The following SPRED2 variants were observed in gnomAD, a reference collection of about 807,000 sequenced individuals.
The protein encoded by SPRED2 is sprouty-related, EVH1 domain-containing protein 2.
SPRED2 carries 47 observed loss-of-function variants against 43.0 expected under a neutral mutation model. That is an observed-to-expected ratio of 1.09 (90% CI 0.87 to 1.40). SPRED2 has a LOEUF of 1.40. Among genes scored for constraint, SPRED2 ranks in the 40% most tolerant of loss-of-function variants. The pLI, the probability that SPRED2 is intolerant of heterozygous loss-of-function variation, is 0.00. For missense variants in SPRED2, 561 were observed against 586.4 expected (o/e 0.96, Z 0.45); for synonymous variants, 225 against 225.7 (o/e 1.00, Z 0.03).
intron 1 of SPRED2, among the ~76,000 whole-genome samples, chr2:65,397,425 C>T (rs1367802078): frequency 1.3e-5 from 2 of 152,064 alleles, no homozygotes; most frequent in Non-Finnish European, 2.9e-5. Context: ...TCTCTTTTTC[C>T]TTTTTACCTA....
intron 1 of SPRED2, among the ~76,000 whole-genome samples, chr2:65,394,388 G>C (rs1572891057): frequency 6.6e-6 from 1 of 152,342 alleles, no homozygotes; most frequent in African/African-American, 2.4e-5. Context: ...CACTCGGATA[G>C]AGGCAGCTGT....
In SPRED2 at chr2:65,313,751, C is replaced by T. The variant is rs756115964; in HGVS notation, c.1007G>A (p.Cys336Tyr). 1.9e-6 allele frequency: 3 copies of T among 1,614,206 alleles called. No individual in the cohort carries two copies. Among genetic ancestry groups the T allele is most frequent in the Non-Finnish European group, 2.5e-6 (3 of 1,180,028 alleles). ...CQDAPDSVRTCIRRVSCMWCA... is the reference protein window; with the variant it reads ...CQDAPDSVRTYIRRVSCMWCA... ...CCACATGCAGCTCACCCGGCGGATG[C>T]AAGTTCTCACGGAGTCGGGCGCGTC... The change falls in exon 6 of 6, where the codon TGC becomes TAC. Residue 336 changes from cysteine to tyrosine, a missense_variant. By Grantham distance (194) the Cys-to-Tyr change is radical (BLOSUM62 -2). This residue lies in a region of SPRED2 where 164 missense variants were observed against 164.1 expected (regional missense o/e 1.00). Coordinates refer to ENST00000356388, the MANE Select transcript of SPRED2 (RefSeq NM_181784.3).
At chr2:65,338,912 C>A (rs1674073246) in intron 2 of SPRED2, among the ~76,000 whole-genome samples, 1 of 152,106 alleles carries the variant, frequency 6.6e-6, no homozygotes, top group African/African-American at 2.4e-5. Flanking sequence ...TGCCCGGCAG[C>A]CCATCGTCTG....
intron 1 of SPRED2, among the ~76,000 whole-genome samples, chr2:65,354,417 A>G (rs1353141627): frequency 6.6e-6 from 1 of 152,122 alleles, no homozygotes; most frequent in Non-Finnish European, 1.5e-5. Context: ...GTTACATTAG[A>G]CTCACTGCAT....
intron 4 of SPRED2, among the ~76,000 whole-genome samples, chr2:65,324,429 G>C (rs1383108777): frequency 1.3e-5 from 2 of 152,192 alleles, no homozygotes; most frequent in Non-Finnish European, 2.9e-5. Context: ...GGTCAATGCT[G>C]TCTGGTTTGG....
At chr2:65,365,081 T>C (rs1674933906) in intron 1 of SPRED2, among the ~76,000 whole-genome samples, 2 of 152,238 alleles carry the variant, frequency 1.3e-5, no homozygotes, top group African/African-American at 4.8e-5. Flanking sequence ...CCAAGTGCTA[T>C]TATTAAATGT....
In SPRED2 at chr2:65,344,802, C is replaced by G. The variant is rs750231971; in HGVS notation, c.121G>C (p.Val41Leu). The G allele has an allele frequency of 2.5e-6, 4 of 1,614,028 alleles. No homozygotes were observed. The highest frequency in any genetic ancestry group is 2.7e-5 in the African/African-American group (2 of 74,926). Reference protein sequence around the residue: ...FPQEGGGISRVGVCKVMHPEG... With the variant: ...FPQEGGGISRLGVCKVMHPEG... ...GGGTGCATGACCTTACAGACCCCGA[C>G]GCGACTGATCCCGCCTCCTTCCTGT... The change falls in exon 2 of 6, where the codon GTC becomes CTC. Residue 41 changes from valine to leucine, a missense_variant. Around this residue, in one of 6 missense-constraint regions of SPRED2, gnomAD observed 305 missense variants for 282.4 expected, o/e 1.08. Transcript: ENST00000356388.
chr2:65,432,580 G>A lies in SPRED2; in HGVS notation c.-593C>T, dbSNP rs1309953889. 1 of 152,312 alleles carries A rather than the reference G, an allele frequency of 6.6e-6. No individual in the cohort carries two copies. Among genetic ancestry groups the A allele is most frequent in the Non-Finnish European group, 1.5e-5 (1 of 68,134 alleles). The allele number at this position is 152,312 out of a possible 1,614,324, so 9.4% of individuals were successfully genotyped here. A position where few individuals can be genotyped will look rare whatever the true frequency, so the allele number is the denominator to read the frequency against. On this transcript the variant is annotated 5_prime_UTR_variant, in exon 1 of 6. Transcript: ENST00000356388. The stretch of plus-strand genomic sequence containing the variant: ...GCGGAAGCGATGACGTCTTCCCAGC[G>A]GCCAGAGGTGGTGGAGTGCAAAAAG...
chr2:65,366,531 A>G (rs1674984020), intron 1 of SPRED2: 36 of 1,516,320 alleles, frequency 2.4e-5, no homozygotes, highest in Non-Finnish European at 3.2e-5. Context: ...AGGCACCAGA[A>G]AGGTTAAGAA....
chr2:65,319,355 C>T (rs923159985), intron 4 of SPRED2, among the ~76,000 whole-genome samples: 2 of 152,174 alleles, frequency 1.3e-5, no homozygotes, highest in African/African-American at 4.8e-5. Flanking sequence ...GTCTCCATTT[C>T]TGTAATCAAG....
intron 1 of SPRED2, among the ~76,000 whole-genome samples, chr2:65,349,611 T>C (rs1357307870): frequency 6.6e-6 from 1 of 152,260 alleles, no homozygotes; most frequent in Non-Finnish European, 1.5e-5. Context: ...TATGTGCTGT[T>C]CTGTTTCTTT....
At chr2:65,419,387 C>T (rs1676365502) in intron 1 of SPRED2, among the ~76,000 whole-genome samples, 1 of 152,202 alleles carries the variant, frequency 6.6e-6, no homozygotes, top group South Asian at 2.1e-4. Flanking sequence ...TGCTTTCCTT[C>T]AGACCTTCCA....
chr2:65,417,583 C>T (rs954359475), intron 1 of SPRED2, among the ~76,000 whole-genome samples: 2 of 152,176 alleles, frequency 1.3e-5, no homozygotes, highest in African/African-American at 4.8e-5. Flanking sequence ...CAATTAATTT[C>T]CACCATCTTT....
intron 2 of SPRED2, among the ~76,000 whole-genome samples, chr2:65,338,879 A>C (rs1444215080): frequency 7.2e-6 from 1 of 138,228 alleles, no homozygotes; most frequent in Non-Finnish European, 1.6e-5. Flanking sequence ...CCGCCATCCC[A>C]TCTAGGAAGT....
chr2:65,334,106 C>G, intron 3 of SPRED2: 1 of 446,156 alleles, frequency 2.2e-6, no homozygotes, highest in East Asian at 7.0e-5. Flanking sequence ...ATGCCTACTA[C>G]TCACTTACCC....
chr2:65,392,077 G>T (rs936956778), intron 1 of SPRED2, among the ~76,000 whole-genome samples: 1 of 151,394 alleles, frequency 6.6e-6, no homozygotes, highest in African/African-American at 2.4e-5. Context: ...TCATAATGGA[G>T]GCAAATTTTA....
chr2:65,431,119 C>CGGGAGTCACAAAGTCA (rs1676675267), intron 1 of SPRED2, among the ~76,000 whole-genome samples: 1 of 152,058 alleles, frequency 6.6e-6, no homozygotes, highest in Non-Finnish European at 1.5e-5. Context: ...CGCGGGGCGG[C>CGGGAGTCACAAAGTCA]CCAGGATCCC....
intron 5 of SPRED2, among the ~76,000 whole-genome samples, chr2:65,316,138 A>G (rs1673225740): frequency 6.6e-6 from 1 of 152,362 alleles, no homozygotes; most frequent in South Asian, 2.1e-4. Flanking sequence ...CCACACAGGC[A>G]CCAGTCCATG....
intron 1 of SPRED2, among the ~76,000 whole-genome samples, chr2:65,410,251 A>T (rs2103759058): frequency 6.6e-6 from 1 of 152,010 alleles, no homozygotes; most frequent in African/African-American, 2.4e-5. Context: ...CTGAAAAGAA[A>T]ACAAACAAAC....
Sources: gnomAD v4.1 joint callset for allele counts (sites outside exome capture counted in the v4.1 genomes callset) on GRCh38, gnomAD v4.1.1 for gene constraint, gnomAD v4.1.1 regional missense constraint, MANE v1.5 for transcripts, NCBI Gene and HGNC (gene_info 2026-07-23, HGNC 2026-07-21) for gene names.